FGF12: variants seen among roughly 807,000 people sequenced by gnomAD.
The protein encoded by FGF12 is fibroblast growth factor 12B.
FGF12 carries 14 observed loss-of-function variants against 23.6 expected under a neutral mutation model. The ratio of observed to expected loss-of-function variants is 0.59; its 90% CI spans 0.39 to 0.93. The LOEUF is 0.93. Among genes scored for constraint, FGF12 ranks in the 40% least tolerant of loss-of-function variants. The probability of loss-of-function intolerance (pLI) is 0.00; values close to 1 mark genes in which losing one functional copy is unlikely to be tolerated. For synonymous variants in FGF12, 62 were observed against 77.3 expected, an observed-to-expected ratio of 0.80 and a Z score of 1.04; for missense variants, 175 against 217.8, an observed-to-expected ratio of 0.80 and a Z score of 1.24.
At chr3:192,392,411 T>TAAAA (rs1353161491) in intron 2 of FGF12, among the ~76,000 whole-genome samples, 1 of 93,270 alleles carries the variant, frequency 1.1e-5, no homozygotes, top group African/African-American at 4.5e-5. Flanking sequence ...CTACTAAAAA[T>TAAAA]AAAAAATAAA....
chr3:192,596,495 T>C (rs1362111943), intron 2 of FGF12, among the ~76,000 whole-genome samples: 3 of 152,152 alleles, frequency 2.0e-5, no homozygotes, highest in Non-Finnish European at 4.4e-5. Context: ...GTGAGGTGAA[T>C]AGGGTATGTG....
At chr3:192,277,532 G>C (rs765904306) in intron 4 of FGF12, among the ~76,000 whole-genome samples, 5 of 152,196 alleles carry the variant, frequency 3.3e-5, no homozygotes, top group Non-Finnish European at 5.9e-5. Context: ...TTCACATGAA[G>C]TTTTTGGTCC....
chr3:192,443,412 T>G (rs1440299862), intron 2 of FGF12, among the ~76,000 whole-genome samples: 1 of 152,168 alleles, frequency 6.6e-6, no homozygotes, highest in African/African-American at 2.4e-5. Flanking sequence ...AGATAGATAT[T>G]TTATAAAAAT....
chr3:192,515,171 C>T (rs549787733), intron 2 of FGF12: 92 of 152,388 alleles, frequency 6.0e-4, no homozygotes, highest in African/African-American at 2.1e-3. Flanking sequence ...GCCCGACTAC[C>T]TCGGTGTCCC....
At chr3:192,280,946 A>G (rs573396656) in intron 4 of FGF12, among the ~76,000 whole-genome samples, 1 of 152,266 alleles carries the variant, frequency 6.6e-6, no homozygotes, top group East Asian at 1.9e-4. Context: ...ATTCTGTTTC[A>G]TTACAAAAAG....
rs1389874536 is a variant in FGF12 at position 192,341,964 on chromosome 3, T to C, written c.125-6500A>G. ...ACTTAGAAGTCATTTATTCTTACCA[T>C]AAATATTTGTTAGGACTTACTGTAT... On this transcript the variant is annotated intron_variant, in intron 3 of 5. Coordinates refer to ENST00000445105, the MANE Select transcript of FGF12 (RefSeq NM_004113.6). 2.3e-5 allele frequency among the ~76,000 whole-genome samples: 3 copies of C among 132,930 alleles called. No individual in the cohort carries two copies. The East Asian group carries it at 6.7e-4, about 30-fold the overall frequency. The allele number at this position is 132,930 out of a possible 152,430, so 87.2% of individuals were successfully genotyped here.
At chr3:192,375,975 C>A (rs184608784) in intron 2 of FGF12, among the ~76,000 whole-genome samples, 3 of 152,244 alleles carry the variant, frequency 2.0e-5, no homozygotes, top group African/African-American at 7.2e-5. Flanking sequence ...GATTTTATAA[C>A]ATTACTATAA....
At chr3:192,652,327 C>A (rs1385358456) in intron 2 of FGF12, among the ~76,000 whole-genome samples, 1 of 152,026 alleles carries the variant, frequency 6.6e-6, no homozygotes, top group Admixed American at 6.6e-5. Context: ...GGAAGGCGTG[C>A]CAACATGGAA....
rs1250319949 is a variant in FGF12, at chr3:192,360,939, A to G, written c.14-401T>C. 6.6e-6 allele frequency among the ~76,000 whole-genome samples: 1 copy of G among 152,152 alleles called. No homozygotes were observed. Among genetic ancestry groups the G allele is most frequent in the Non-Finnish European group, 1.5e-5 (1 of 68,020 alleles). ...GTTTCTAGTAGCCATAACCAGGTCC[A>G]TAAGACTTCTATCTCTGCAGGATGT... is the stretch of plus-strand genomic sequence containing the variant. On this transcript the variant is annotated intron_variant, in intron 2 of 5. Coordinates refer to ENST00000445105, the MANE Select transcript of FGF12 (RefSeq NM_004113.6). This position sits in a 1 kb window ranked among gnomAD's most constrained non-coding sequence, Gnocchi z 4.3.
chr3:192,420,161 G>A (rs775363544), intron 2 of FGF12, among the ~76,000 whole-genome samples: 11 of 152,216 alleles, frequency 7.2e-5, no homozygotes, highest in South Asian at 2.1e-4. Context: ...ACCAAAAGCC[G>A]ATGAGCTTAA....
chr3:192,682,279 GCA>G (rs150789057), intron 2 of FGF12, among the ~76,000 whole-genome samples: 1,883 of 152,214 alleles, frequency 0.012, 39 homozygotes, highest in African/African-American at 0.044. Context: ...CACAGCTGGT[GCA>G]CACACAGTCA....
At chr3:192,195,535 C>A (rs768410216) in intron 4 of FGF12, among the ~76,000 whole-genome samples, 1 of 152,144 alleles carries the variant, frequency 6.6e-6, no homozygotes, top group African/African-American at 2.4e-5. Flanking sequence ...TGTAGCCTAG[C>A]GGCAATAGGC....
intron 4 of FGF12, among the ~76,000 whole-genome samples, chr3:192,185,569 T>C (rs531462628): frequency 2.0e-5 from 3 of 152,218 alleles, no homozygotes; most frequent in Non-Finnish European, 2.9e-5. Context: ...AGGTAAAAGT[T>C]ATAGCTAATA....
At position 192,696,081 on chromosome 3, in the gene FGF12, G is replaced by A. The variant is rs140015906; in HGVS notation, c.13+31100C>T. On this transcript the variant is annotated intron_variant, in intron 2 of 5. Transcript: ENST00000445105. ...ACTACTGCACTCCAACCTGGGTGAC[G>A]GAGAAAGATTCTGTTTAATGGTGGG... Among the ~76,000 whole-genome samples the A allele has an allele frequency of 2.8e-4, 43 of 152,128 alleles. No individual in the cohort carries two copies. In the East Asian group the frequency reaches 6.4e-3, roughly 23 times the overall value.
chr3:192,393,863 GT>G (rs1720408963), intron 2 of FGF12, among the ~76,000 whole-genome samples: 1 of 151,922 alleles, frequency 6.6e-6, no homozygotes, highest in South Asian at 2.1e-4. Flanking sequence ...AGTAAACATT[GT>G]TTTAAAAAAA....
intron 4 of FGF12, among the ~76,000 whole-genome samples, chr3:192,205,712 A>G (rs1386078935): frequency 6.6e-6 from 1 of 152,152 alleles, no homozygotes; most frequent in African/African-American, 2.4e-5. Context: ...AATGGTGCCC[A>G]CTTCTGATGA....
intron 2 of FGF12, among the ~76,000 whole-genome samples, chr3:192,478,773 G>C (rs1387709162): frequency 6.6e-6 from 1 of 152,132 alleles, no homozygotes; most frequent in Admixed American, 6.5e-5. Context: ...TATTTAATTG[G>C]TCTTCAGAAT....
At chr3:192,147,846 G>A (rs1242873048) in intron 5 of FGF12, among the ~76,000 whole-genome samples, 3 of 152,040 alleles carry the variant, frequency 2.0e-5, no homozygotes, top group Admixed American at 6.6e-5. Flanking sequence ...TCTTATGTCT[G>A]TATGTTAATC....
At position 192,331,327 on chromosome 3, in the gene FGF12, A is replaced by AC. The variant is rs971354910; in HGVS notation, c.228+4033_228+4034insG. ...GAGTTTTCTCAAAAAAAAAAAAAAA[A>AC]AAAAACAAAAACAAAAACAGAATTA... is the stretch of plus-strand genomic sequence containing the variant. On this transcript the variant is annotated intron_variant, in intron 4 of 5. Coordinates refer to ENST00000445105, the MANE Select transcript of FGF12 (RefSeq NM_004113.6). 4.0e-5 allele frequency among the ~76,000 whole-genome samples: 6 copies of AC among 150,314 alleles called. No individual in the cohort carries two copies. The East Asian group carries it at 5.8e-4, about 15-fold the overall frequency.
Sources: gnomAD v4.1 joint callset for allele counts (sites outside exome capture counted in the v4.1 genomes callset) on GRCh38, gnomAD v4.1.1 for gene constraint, Gnocchi (gnomAD v3.1) non-coding constraint, MANE v1.5 for transcripts, NCBI Gene and HGNC (gene_info 2026-07-23, HGNC 2026-07-21) for gene names.